Variants in TENT5B observed in about 807,000 individuals in gnomAD.
TENT5B encodes the protein family with sequence similarity 46 member B.
Under a neutral mutation model 21.7 loss-of-function variants are expected in TENT5B, and 12 were observed. That is an observed-to-expected ratio of 0.55 (90% confidence interval 0.36 to 0.90). TENT5B has a LOEUF of 0.90. Ranked by LOEUF, TENT5B falls within the 40% of genes least tolerant of loss-of-function variation. TENT5B has a pLI of 0.01. For missense variants in TENT5B, 540 were observed against 601.5 expected, an observed-to-expected ratio of 0.90 and a Z score of 1.07; for synonymous variants, 262 against 266.6, an observed-to-expected ratio of 0.98 and a Z score of 0.17.
chr1:27,006,459 T>C lies in TENT5B; in HGVS notation c.763A>G (p.Thr255Ala). 1.2e-6 allele frequency: 2 copies of C among 1,613,704 alleles called. No individual in the cohort carries two copies. The highest frequency in any genetic ancestry group is 2.2e-5 in the East Asian group (1 of 44,858). ...VTGESLYGDF[T>A]EALEHLRHRV... Reference sequence around the variant, plus strand: ...TGCCGCAGGTGCTCCAGGGCCTCGGTGAAGTCCCCGTACAGGCTTTCGCCT... The same window carrying C: ...TGCCGCAGGTGCTCCAGGGCCTCGGCGAAGTCCCCGTACAGGCTTTCGCCT... Residue 255 changes from threonine to alanine, a missense_variant, in exon 2 of 2, where the codon ACC becomes GCC. Physicochemically the swap from Thr to Ala is moderately conservative, Grantham distance 58. Transcript: ENST00000289166. This position sits in a 1 kb window ranked among gnomAD's most constrained non-coding sequence, Gnocchi z 9.4.
At position 27,005,621 on chromosome 1, in the gene TENT5B, C is replaced by T. The variant is rs1438450328; in HGVS notation, c.*323G>A. The stretch of plus-strand genomic sequence containing the variant: ...ATGGGAATCAATCCAAGGTGCTGGG[C>T]ATTAAGGCTACCACCCCAAACTTGC... On this transcript the variant is annotated 3_prime_UTR_variant, in exon 2 of 2. Coordinates refer to ENST00000289166, the MANE Select transcript of TENT5B (RefSeq NM_052943.4). 1 of 352,428 alleles carries T rather than the reference C, an allele frequency of 2.8e-6. No individual in the cohort carries two copies. The highest frequency in any genetic ancestry group is 5.2e-6 in the Non-Finnish European group (1 of 193,872). 21.8% of individuals were successfully genotyped at this position (352,428 alleles called of 1,614,324 possible).
chr1:27,005,932 C>T lies in TENT5B; in HGVS notation c.*12G>A. The T allele has an allele frequency of 6.5e-7, 1 of 1,539,572 alleles. No homozygotes were observed. Among genetic ancestry groups the T allele is most frequent in the Admixed American group, 2.0e-5 (1 of 50,708 alleles). On this transcript the variant is annotated 3_prime_UTR_variant, in exon 2 of 2. Coordinates refer to ENST00000289166, the MANE Select transcript of TENT5B (RefSeq NM_052943.4). The stretch of plus-strand genomic sequence containing the variant: ...TGAGGCCCAGTCCCTTCCCTTCTGG[C>T]CAGGGTCTGAGTCAGTTACAAGGCA...
At chr1:27,012,304 A>G in intron 1 of TENT5B, 103 bp downstream of exon 1, 8 of 1,507,002 alleles carry the variant, frequency 5.3e-6, no homozygotes, top group Non-Finnish European at 7.1e-6. Context: ...CCCGTTCCTC[A>G]GTTTCCCTAG....
chr1:27,012,313 A>G, intron 1 of TENT5B, 94 bp downstream of exon 1: 2 of 1,524,774 alleles, frequency 1.3e-6, no homozygotes, highest in Admixed American at 2.0e-5. Context: ...CAGTTTCCCT[A>G]GCTGTCTAGA....
chr1:27,008,788 G>A (rs937413629), intron 1 of TENT5B, among the ~76,000 whole-genome samples: 4 of 151,826 alleles, frequency 2.6e-5, no homozygotes, highest in African/African-American at 4.8e-5. Flanking sequence ...TTTTAGTAGA[G>A]AGAGGGTTTC....
At chr1:27,012,305 G>A in intron 1 of TENT5B, 102 bp downstream of exon 1, 1 of 1,516,880 alleles carries the variant, frequency 6.6e-7, no homozygotes, top group South Asian at 1.2e-5. Context: ...CCGTTCCTCA[G>A]TTTCCCTAGC....
At position 27,012,592 on chromosome 1, in the gene TENT5B, C is replaced by G; in HGVS notation, c.79G>C (p.Ala27Pro). ...QVGTAAATAVATAAPAGGGPD... is the reference protein window; with the variant it reads ...QVGTAAATAVPTAAPAGGGPD... ...CCGCCGCCTGCCGGGGCTGCCGTGG[C>G]CACCGCCGTGGCCGCAGCCGTCCCC... Residue 27 changes from alanine (A) to proline (P), a missense_variant, in exon 1 of 2, where the codon GCC (alanine) becomes CCC (proline). Ala to Pro is a conservative substitution (Grantham distance 27). Transcript: ENST00000289166. The G allele has an allele frequency of 6.5e-7, 1 of 1,533,446 alleles. No homozygotes were observed. Among genetic ancestry groups the G allele is most frequent in the Non-Finnish European group, 8.7e-7 (1 of 1,146,010 alleles). The allele number at this position is 1,533,446 out of a possible 1,614,324, so 95.0% of individuals were successfully genotyped here.
Position 27,006,172 on chromosome 1 carries a change from G to C in TENT5B, c.1050C>G (p.Val350=), listed in dbSNP as rs1263569806. ...YACLVTLHRV[V]NESTVCLMNH... ...TCATGAGGCACACGGTGCTCTCGTT[G>C]ACCACCCGGTGCAGTGTCACCAGGC... Residue 350 remains valine (V), a synonymous_variant, in exon 2 of 2, where the codon GTC becomes GTG. Coordinates refer to ENST00000289166, the MANE Select transcript of TENT5B (RefSeq NM_052943.4). This position sits in a 1 kb window ranked among gnomAD's most constrained non-coding sequence, Gnocchi z 9.4. 11 of 1,611,306 alleles carry C rather than the reference G, an allele frequency of 6.8e-6. No homozygotes were observed. Among genetic ancestry groups the C allele is most frequent in the Non-Finnish European group, 8.5e-6 (10 of 1,179,004 alleles).
chr1:27,008,311 A>C (rs1228872023), intron 1 of TENT5B, among the ~76,000 whole-genome samples: 2 of 152,190 alleles, frequency 1.3e-5, no homozygotes, highest in African/African-American at 4.8e-5. Flanking sequence ...GCTCCAGACC[A>C]GGCTGTTCTC....
At chr1:27,007,523 T>C (rs2082606539) in intron 1 of TENT5B, among the ~76,000 whole-genome samples, 1 of 151,864 alleles carries the variant, frequency 6.6e-6, no homozygotes, top group East Asian at 1.9e-4. Flanking sequence ...TCCCGAGTAG[T>C]TGGGATTACA....
intron 1 of TENT5B, among the ~76,000 whole-genome samples, chr1:27,009,687 G>A (rs2082615622): frequency 6.6e-6 from 1 of 152,230 alleles, no homozygotes; most frequent in Non-Finnish European, 1.5e-5. Flanking sequence ...GATCCCATTA[G>A]GGCTGACTGA....
chr1:27,008,747 G>A (rs1268376542), intron 1 of TENT5B, among the ~76,000 whole-genome samples: 1 of 151,564 alleles, frequency 6.6e-6, no homozygotes, highest in African/African-American at 2.4e-5. Context: ...GATTACAGGC[G>A]CCCATCACCA....
chr1:27,012,296 C>G (rs2082627841), intron 1 of TENT5B, 111 bp downstream of exon 1: 4 of 1,487,404 alleles, frequency 2.7e-6, no homozygotes, highest in Non-Finnish European at 3.6e-6. Context: ...GCCATGTCCC[C>G]GTTCCTCAGT....
chr1:27,012,815 A>T lies in TENT5B; in HGVS notation c.-145T>A, dbSNP rs2082631279. On this transcript the variant is annotated 5_prime_UTR_variant, in exon 1 of 2. Coordinates refer to ENST00000289166, the MANE Select transcript of TENT5B (RefSeq NM_052943.4). ...CGACGGCGAGACAAAGCCAGGGAAC[A>T]CCTCAGACGGCGACGACTAACCGAC... The T allele has an allele frequency of 3.6e-6, 4 of 1,102,854 alleles. No homozygotes were observed. In the East Asian group the frequency reaches 9.4e-5, roughly 26 times the overall value. 68.3% of individuals were successfully genotyped at this position (1,102,854 alleles called of 1,614,324 possible).
chr1:27,007,503 T>C (rs1314829877), intron 1 of TENT5B, among the ~76,000 whole-genome samples: 1 of 151,766 alleles, frequency 6.6e-6, no homozygotes, highest in Admixed American at 6.6e-5. Context: ...GTGATTCTCC[T>C]GCCTCAGCCT....
chr1:27,007,898 C>T (rs760360604), intron 1 of TENT5B, among the ~76,000 whole-genome samples: 5 of 152,258 alleles, frequency 3.3e-5, no homozygotes, highest in Non-Finnish European at 7.4e-5. Flanking sequence ...GGTCACAGAG[C>T]GGTCAGGCTG....
chr1:27,009,153 G>A lies in TENT5B; in HGVS notation c.265-2196C>T, dbSNP rs184911279. 7.9e-5 allele frequency among the ~76,000 whole-genome samples: 12 copies of A among 151,648 alleles called. No individual in the cohort carries two copies. The East Asian group carries it at 1.9e-3, about 25-fold the overall frequency. ...ACCCAGCAATTTTTTATTGTTTACA[G>A]TGATGGAATCCTGCCAGATTGCCCA... On this transcript the variant is annotated intron_variant, in intron 1 of 1. Coordinates refer to ENST00000289166, the MANE Select transcript of TENT5B (RefSeq NM_052943.4).
intron 1 of TENT5B, among the ~76,000 whole-genome samples, chr1:27,011,652 A>G (rs1226880432): frequency 1.3e-5 from 2 of 152,200 alleles, no homozygotes. Context: ...GGTTCAGATA[A>G]AGGGAAGAGT....
chr1:27,012,808 A>T lies in TENT5B; in HGVS notation c.-138T>A, dbSNP rs2082631229. The T allele has an allele frequency of 2.6e-6, 3 of 1,150,002 alleles. No homozygotes were observed. Among genetic ancestry groups the T allele is most frequent in the Non-Finnish European group, 3.4e-6 (3 of 870,114 alleles). The allele number at this position is 1,150,002 out of a possible 1,614,324, so 71.2% of individuals were successfully genotyped here. ...GCGGCAACGACGGCGAGACAAAGCC[A>T]GGGAACACCTCAGACGGCGACGACT... On this transcript the variant is annotated 5_prime_UTR_variant, in exon 1 of 2. Coordinates refer to ENST00000289166, the MANE Select transcript of TENT5B (RefSeq NM_052943.4).
Sources: gnomAD v4.1 joint callset for allele counts (sites outside exome capture counted in the v4.1 genomes callset) on GRCh38, gnomAD v4.1.1 for gene constraint, Gnocchi (gnomAD v3.1) non-coding constraint, MANE v1.5 for transcripts, NCBI Gene and HGNC (gene_info 2026-07-23, HGNC 2026-07-21) for gene names.